PKHD1: variants seen among roughly 807,000 people sequenced by gnomAD.
PKHD1 encodes fibrocystin.
In PKHD1, 291 loss-of-function variants were observed where a neutral mutation model predicts 412.0. The ratio of observed to expected loss-of-function variants is 0.71; its 90% confidence interval spans 0.64 to 0.78. The LOEUF (loss-of-function observed/expected upper bound fraction) is 0.78. PKHD1 is among the 30% of genes least tolerant of loss of function. The pLI, the probability that PKHD1 is intolerant of heterozygous loss-of-function variation, is 0.00. For missense variants in PKHD1, 4,825 were observed against 4,950.7 expected, an observed-to-expected ratio of 0.97 and a Z score of 0.76; for synonymous variants, 1,777 against 1,821.5, an observed-to-expected ratio of 0.98 and a Z score of 0.62.
rs763280197 is a variant in PKHD1, at chr6:51,658,947, C to T, written c.11174+5G>A. 1 of 1,596,138 alleles carries T rather than the reference C, an allele frequency of 6.3e-7. No homozygotes were observed. Reference sequence around the variant, plus strand: ...CATTTGGATGTGAATATAATTAGTACTTACCCATAGCCAATGACTCCCTTT... The same window carrying T: ...CATTTGGATGTGAATATAATTAGTATTTACCCATAGCCAATGACTCCCTTT... On this transcript the variant is annotated splice_donor_5th_base_variant and intron_variant, in intron 61 of 66. Transcript: ENST00000371117.
chr6:51,957,887 T>C (rs1027908033), intron 36 of PKHD1, among the ~76,000 whole-genome samples: 1 of 152,136 alleles, frequency 6.6e-6, no homozygotes, highest in African/African-American at 2.4e-5. Flanking sequence ...CATCACTTAT[T>C]TTAGAACCAG....
chr6:51,959,925 G>T lies in PKHD1; in HGVS notation c.5853C>A (p.Gly1951=), dbSNP rs1250656231. 6.2e-7 allele frequency: 1 copy of T among 1,613,376 alleles called. No individual in the cohort carries two copies. Among genetic ancestry groups the T allele is most frequent in the South Asian group, 1.1e-5 (1 of 91,066 alleles). Residue 1951 remains glycine (G), a synonymous_variant, in exon 36 of 67, where the codon GGC becomes GGA. Transcript: ENST00000371117. ...QDGDNVTVEN[G]QLLLLDTNTS... is the part of the protein sequence containing the mutation. ...TGTTAGTGTCCAGCAGAAGCAATTG[G>T]CCATTCTCCACTGTGACGTTGTCGC...
intron 46 of PKHD1, among the ~76,000 whole-genome samples, chr6:51,881,456 GA>G (rs1440921267): frequency 6.6e-6 from 1 of 152,080 alleles, no homozygotes; most frequent in Non-Finnish European, 1.5e-5. Context: ...GAGATTTTGG[GA>G]AATAGAGGGT....
intron 60 of PKHD1, among the ~76,000 whole-genome samples, chr6:51,690,158 G>A (rs557750161): frequency 6.6e-6 from 1 of 151,540 alleles, no homozygotes; most frequent in Admixed American, 6.6e-5. Context: ...TGTAGACCCA[G>A]CTACTCCGGA....
intron 60 of PKHD1, among the ~76,000 whole-genome samples, chr6:51,670,194 A>C (rs1774671495): frequency 6.6e-6 from 1 of 150,944 alleles, no homozygotes; most frequent in South Asian, 2.1e-4. Context: ...GTCTCTGTGT[A>C]GGTCACTCAG....
intron 8 of PKHD1, 48 bp from the exon 9 acceptor site, chr6:52,071,118 CAGA>C (rs760641214): frequency 2.4e-6 from 3 of 1,238,136 alleles, no homozygotes. Flanking sequence ...AACTCACTAC[CAGA>C]AGATCTGACT....
At chr6:52,041,252 G>T (rs1804830461) in intron 27 of PKHD1, among the ~76,000 whole-genome samples, 1 of 152,190 alleles carries the variant, frequency 6.6e-6, no homozygotes, top group South Asian at 2.1e-4. Context: ...CCCCAGCCTG[G>T]TTCTCTTTAA....
At position 51,632,517 on chromosome 6, in the gene PKHD1, CT is replaced by C. The variant is rs35521028; in HGVS notation, c.11665+47del. 7,956 of 1,508,780 alleles carry C rather than the reference CT, an allele frequency of 5.3e-3. 376 individuals are homozygous for C. In the African/African-American group the frequency reaches 0.095, roughly 18 times the overall value. The allele number at this position is 1,508,780 out of a possible 1,614,324, so 93.5% of individuals were successfully genotyped here. A position where few individuals can be genotyped will look rare whatever the true frequency, so the allele number is the denominator to read the frequency against. Reference sequence around the variant, plus strand: ...ATCATTAATATGTTATGTATGATGACTTTTTTTTCAGAAATTTTCATTCCAA... The same window carrying C: ...ATCATTAATATGTTATGTATGATGACTTTTTTTCAGAAATTTTCATTCCAA... On this transcript the variant is annotated intron_variant, in intron 65 of 66. Coordinates refer to ENST00000371117, the MANE Select transcript of PKHD1 (RefSeq NM_138694.4).
At chr6:51,915,739 G>A (rs969183236) in intron 37 of PKHD1, among the ~76,000 whole-genome samples, 6 of 152,034 alleles carry the variant, frequency 3.9e-5, no homozygotes, top group African/African-American at 9.7e-5. Flanking sequence ...ATGCAGGGAT[G>A]AGGCAGCCCC....
chr6:52,041,469 G>A (rs189747649), intron 27 of PKHD1, among the ~76,000 whole-genome samples: 1 of 152,252 alleles, frequency 6.6e-6, no homozygotes, highest in Admixed American at 6.5e-5. Context: ...AAATGGGATG[G>A]GCCAATCAGT....
chr6:51,882,913 T>G (rs1201846226), intron 46 of PKHD1, among the ~76,000 whole-genome samples, 180 bp downstream of exon 46: 2 of 152,248 alleles, frequency 1.3e-5, no homozygotes, highest in Admixed American at 1.3e-4. Flanking sequence ...TGTGTATATA[T>G]GAGTTCTATT....
At chr6:51,883,351 G>T in intron 45 of PKHD1, 124 bp from the exon 46 acceptor site, 1 of 851,416 alleles carries the variant, frequency 1.2e-6, no homozygotes, top group Non-Finnish European at 1.9e-6. Context: ...AGCACCTTTT[G>T]TCCATCAATG....
At chr6:51,844,729 C>T in intron 50 of PKHD1, among the ~76,000 whole-genome samples, 1 of 152,090 alleles carries the variant, frequency 6.6e-6, no homozygotes, top group Non-Finnish European at 1.5e-5. Context: ...AAAGATGGCC[C>T]ACTTAGAAGT....
In PKHD1 at chr6:52,084,987, C is replaced by T; in HGVS notation, c.-54G>A. 1 of 1,204,518 alleles carries T rather than the reference C, an allele frequency of 8.3e-7. No individual in the cohort carries two copies. 74.6% of individuals were successfully genotyped at this position (1,204,518 alleles called of 1,614,324 possible). A position where few individuals can be genotyped will look rare whatever the true frequency, so the allele number is the denominator to read the frequency against. On this transcript the variant is annotated 5_prime_UTR_variant, in exon 2 of 67. Transcript: ENST00000371117. ...ATTGCTCAGACATTAAAAGCATTTTCAGTTTTGATTGGAGCAGCATAGCTT... is the reference window on the plus strand; with the variant it reads ...ATTGCTCAGACATTAAAAGCATTTTTAGTTTTGATTGGAGCAGCATAGCTT...
chr6:51,768,002 C>T lies in PKHD1; in HGVS notation c.8642+4700G>A, dbSNP rs547496559. 4.2e-4 allele frequency among the ~76,000 whole-genome samples: 64 copies of T among 151,826 alleles called. 1 individual carries two copies. In the East Asian group the frequency reaches 6.8e-3, roughly 16 times the overall value. Reference sequence around the variant, plus strand: ...TGTTGTTTCCTGACTTTTTAATGATCGCCATTCTAACTGGTGTGAGATGGT... The same window carrying T: ...TGTTGTTTCCTGACTTTTTAATGATTGCCATTCTAACTGGTGTGAGATGGT... On this transcript the variant is annotated intron_variant, in intron 55 of 66. Coordinates refer to ENST00000371117, the MANE Select transcript of PKHD1 (RefSeq NM_138694.4).
chr6:51,701,707 G>A (rs1467500745), intron 60 of PKHD1, among the ~76,000 whole-genome samples: 3 of 151,952 alleles, frequency 2.0e-5, no homozygotes, highest in Admixed American at 1.3e-4. Flanking sequence ...TGATTTCAAT[G>A]TCCAGGCTAG....
chr6:51,656,914 C>T (rs1033336883), intron 61 of PKHD1, among the ~76,000 whole-genome samples: 2 of 151,886 alleles, frequency 1.3e-5, no homozygotes, highest in African/African-American at 2.4e-5. Flanking sequence ...CCTCCACCTC[C>T]CAAAGTGCTG....
rs937524846 is a variant in PKHD1 at position 51,940,993 on chromosome 6, G to T, written c.5909-6671C>A. ...CTTCCCTCACTGTTCCTAGATTACA[G>T]CCACACCTCACTGCTGCCCTTTACC... On this transcript the variant is annotated intron_variant, in intron 36 of 66. Coordinates refer to ENST00000371117, the MANE Select transcript of PKHD1 (RefSeq NM_138694.4). Among the ~76,000 whole-genome samples, 8 of 151,154 alleles carry T rather than the reference G, an allele frequency of 5.3e-5. 1 individual carries two copies. The highest frequency in any genetic ancestry group is 2.0e-4 in the Admixed American group (3 of 15,142).
intron 43 of PKHD1, among the ~76,000 whole-genome samples, chr6:51,898,214 T>A (rs1583262862): frequency 6.6e-6 from 1 of 151,742 alleles, no homozygotes; most frequent in Non-Finnish European, 1.5e-5. Context: ...AATATACATT[T>A]TTTTCAGCAC....
Sources: allele counts gnomAD v4.1 joint callset (sites outside exome capture counted in the v4.1 genomes callset), GRCh38; gene constraint gnomAD v4.1.1; transcripts MANE v1.5; gene names NCBI Gene and HGNC (gene_info 2026-07-23, HGNC 2026-07-21).